The following PTPN2 variants were observed in gnomAD, a reference collection of about 807,000 sequenced individuals.
PTPN2 encodes the protein protein tyrosine phosphatase non-receptor type 2, also known as tyrosine-protein phosphatase non-receptor type 2.
A neutral mutation model predicts 57.3 loss-of-function variants in PTPN2; 19 were observed. That is an observed-to-expected ratio of 0.33 (90% CI 0.23 to 0.49). PTPN2 has a LOEUF of 0.49. PTPN2 is among the 20% of genes least tolerant of loss of function. The probability of loss-of-function intolerance (pLI) is 0.99; values close to 1 mark genes in which losing one functional copy is unlikely to be tolerated. For synonymous variants in PTPN2, 153 were observed against 164.9 expected (o/e 0.93, Z 0.55); for missense variants, 358 against 501.1 (o/e 0.71, Z 2.73).
At chr18:12,832,703 G>C (rs1441002051) in intron 3 of PTPN2, among the ~76,000 whole-genome samples, 1 of 152,126 alleles carries the variant, frequency 6.6e-6, no homozygotes, top group Non-Finnish European at 1.5e-5. Flanking sequence ...AAAAAAAATG[G>C]ATGTAGCAAT....
intron 5 of PTPN2, among the ~76,000 whole-genome samples, chr18:12,821,111 T>C (rs532302321): frequency 1.2e-3 from 181 of 152,314 alleles, no homozygotes; most frequent in African/African-American, 4.0e-3. Context: ...CAGGCCCAAT[T>C]ACTTTCACAC....
chr18:12,867,105 C>A (rs1172166447), intron 1 of PTPN2, among the ~76,000 whole-genome samples: 29 of 150,634 alleles, frequency 1.9e-4, no homozygotes, highest in Admixed American at 1.9e-3. Flanking sequence ...CCAGCCTGGG[C>A]AACATGGTGA....
intron 1 of PTPN2, among the ~76,000 whole-genome samples, chr18:12,867,560 T>C (rs929333508): frequency 2.0e-5 from 3 of 152,202 alleles, no homozygotes; most frequent in Admixed American, 6.5e-5. Context: ...ATTATAGATA[T>C]GTGCCAAGTC....
At chr18:12,862,830 AT>A (rs2043860282) in intron 1 of PTPN2, 1 of 152,156 alleles carries the variant, frequency 6.6e-6, no homozygotes, top group Non-Finnish European at 1.5e-5. Context: ...TCTCTCCAGA[AT>A]TCATATCACA....
At chr18:12,816,147 T>C (rs1024277661) in intron 6 of PTPN2, among the ~76,000 whole-genome samples, 1 of 151,920 alleles carries the variant, frequency 6.6e-6, no homozygotes, top group East Asian at 1.9e-4. Flanking sequence ...CTACTAAAAA[T>C]AAAAAAGCAA....
chr18:12,801,924 A>C (rs1280569452), intron 8 of PTPN2, 46 bp downstream of exon 8: 4 of 1,495,208 alleles, frequency 2.7e-6, no homozygotes, highest in Non-Finnish European at 3.6e-6. Flanking sequence ...TTTATTTTTA[A>C]AATAAAAAAG....
intron 2 of PTPN2, among the ~76,000 whole-genome samples, chr18:12,842,147 C>T (rs1244154000): frequency 6.6e-6 from 1 of 152,148 alleles, no homozygotes; most frequent in African/African-American, 2.4e-5. Flanking sequence ...CTCAGGTGAT[C>T]CACCTGCCTC....
chr18:12,804,217 G>A (rs550437951), intron 7 of PTPN2, among the ~76,000 whole-genome samples: 7 of 150,084 alleles, frequency 4.7e-5, no homozygotes, highest in East Asian at 2.0e-4. Context: ...ACTTGAACCC[G>A]GGAGGCGGAG....
intron 1 of PTPN2, among the ~76,000 whole-genome samples, chr18:12,860,790 G>C (rs1228836830): frequency 1.5e-5 from 1 of 64,632 alleles, no homozygotes; most frequent in African/African-American, 3.2e-5. Flanking sequence ...CAACATAGAA[G>C]ACATTCTGTA....
At chr18:12,870,976 C>A (rs1457128277) in intron 1 of PTPN2, among the ~76,000 whole-genome samples, 1 of 152,078 alleles carries the variant, frequency 6.6e-6, no homozygotes, top group Non-Finnish European at 1.5e-5. Context: ...TAGGTGATAA[C>A]TGTAACCAGT....
At chr18:12,855,504 A>G (rs1389019248) in intron 2 of PTPN2, among the ~76,000 whole-genome samples, 1 of 152,118 alleles carries the variant, frequency 6.6e-6, no homozygotes, top group Non-Finnish European at 1.5e-5. Flanking sequence ...GGGCAAAAGA[A>G]AGTGAGTTTC....
At chr18:12,823,769 C>T (rs1026575206) in intron 5 of PTPN2, among the ~76,000 whole-genome samples, 3 of 152,090 alleles carry the variant, frequency 2.0e-5, no homozygotes, top group Non-Finnish European at 4.4e-5. Context: ...TGGATTTTAA[C>T]TATTATTTTT....
At position 12,795,154 on chromosome 18, in the gene PTPN2, C is replaced by T. The variant is rs897921903; in HGVS notation, c.1041-669G>A. Among the ~76,000 whole-genome samples, 7 of 152,108 alleles carry T rather than the reference C, an allele frequency of 4.6e-5. No individual in the cohort carries two copies. The South Asian group carries it at 1.2e-3, about 27-fold the overall frequency. On this transcript the variant is annotated intron_variant, in intron 8 of 8. Transcript: ENST00000309660. The stretch of plus-strand genomic sequence containing the variant: ...TGCATCTGATCCCATTTCCTGGTCA[C>T]GTTTGATGGTTAAGGCTCTTATAAA...
chr18:12,852,845 A>G (rs74719440), intron 2 of PTPN2, among the ~76,000 whole-genome samples: 1 of 152,230 alleles, frequency 6.6e-6, no homozygotes, highest in East Asian at 1.9e-4. Flanking sequence ...GCTGAATCCA[A>G]ATCTAGAAAA....
Position 12,794,188 on chromosome 18 carries a change from G to C in PTPN2, c.*90C>G. On this transcript the variant is annotated 3_prime_UTR_variant, in exon 9 of 9. Coordinates refer to ENST00000309660, the MANE Select transcript of PTPN2 (RefSeq NM_002828.4). ...GTCTATTCTACTGCACCGTTTTTGG[G>C]ATATGAGGCGTTTGCTGCAGACAAA... is the stretch of plus-strand genomic sequence containing the variant. 6.4e-7 allele frequency: 1 copy of C among 1,564,674 alleles called. No homozygotes were observed. Among genetic ancestry groups the C allele is most frequent in the African/African-American group, 1.4e-5 (1 of 73,190 alleles).
At chr18:12,847,479 C>T (rs1433053781) in intron 2 of PTPN2, among the ~76,000 whole-genome samples, 3 of 152,084 alleles carry the variant, frequency 2.0e-5, no homozygotes, top group Non-Finnish European at 4.4e-5. Flanking sequence ...TTTCTCTTTC[C>T]CTGTCTAATC....
intron 1 of PTPN2, chr18:12,883,735 C>G (rs1394753122): frequency 4.6e-6 from 1 of 218,754 alleles, no homozygotes; most frequent in Non-Finnish European, 9.0e-6. Context: ...GCCCCCACGG[C>G]TTTCCCAAGG....
intron 1 of PTPN2, among the ~76,000 whole-genome samples, chr18:12,866,253 A>G (rs1369187856): frequency 6.6e-6 from 1 of 152,108 alleles, no homozygotes; most frequent in African/African-American, 2.4e-5. Context: ...CCTGGCTAAC[A>G]CAGTGAAACC....
At chr18:12,883,139 T>C (rs781449818) in intron 1 of PTPN2, among the ~76,000 whole-genome samples, 2 of 152,140 alleles carry the variant, frequency 1.3e-5, no homozygotes, top group African/African-American at 2.4e-5. Context: ...ATGAGGGCAC[T>C]TTCTCAGGGC....
Sources: gnomAD v4.1 joint callset for allele counts (sites outside exome capture counted in the v4.1 genomes callset) on GRCh38, gnomAD v4.1.1 for gene constraint, MANE v1.5 for transcripts, NCBI Gene and HGNC (gene_info 2026-07-23, HGNC 2026-07-21) for gene names.